The following BMPR1B variants were observed in gnomAD, a reference collection of about 807,000 sequenced individuals.
BMPR1B encodes bone morphogenetic protein receptor type 1B.
In BMPR1B, 12 loss-of-function variants were observed where a neutral mutation model predicts 59.1. The observed-to-expected ratio is 0.20, with a 90% confidence interval of 0.13 to 0.33. BMPR1B has a LOEUF of 0.33. Ranked by LOEUF, BMPR1B falls within the 10% of genes least tolerant of loss-of-function variation. BMPR1B has a pLI of 1.00. For synonymous variants in BMPR1B, 237 were observed against 207.3 expected (o/e 1.14, Z -1.23); for missense variants, 550 against 610.9 (o/e 0.90, Z 1.05).
chr4:95,002,782 A>G (rs1422212114), intron 3 of BMPR1B, among the ~76,000 whole-genome samples: 1 of 152,200 alleles, frequency 6.6e-6, no homozygotes. Context: ...TTAAATAAGT[A>G]TTACCCACTT....
chr4:94,984,518 C>T (rs1560580061), intron 2 of BMPR1B, among the ~76,000 whole-genome samples: 1 of 152,040 alleles, frequency 6.6e-6, no homozygotes, highest in Non-Finnish European at 1.5e-5. Flanking sequence ...TAGGATTGCC[C>T]CTTCAGATTG....
chr4:95,078,274 C>G (rs1341814769), intron 3 of BMPR1B, among the ~76,000 whole-genome samples: 2 of 152,154 alleles, frequency 1.3e-5, no homozygotes, highest in Non-Finnish European at 2.9e-5. Flanking sequence ...CTTGTGTGTG[C>G]ATATTTTTAA....
At chr4:95,083,427 A>T (rs1343487788) in intron 3 of BMPR1B, among the ~76,000 whole-genome samples, 3 of 152,306 alleles carry the variant, frequency 2.0e-5, no homozygotes, top group African/African-American at 7.2e-5. Context: ...GCAAAAAAAA[A>T]TTTACAGTGT....
intron 3 of BMPR1B, among the ~76,000 whole-genome samples, chr4:95,059,150 A>T (rs1255566986): frequency 6.6e-6 from 1 of 152,190 alleles, no homozygotes; most frequent in South Asian, 2.1e-4. Flanking sequence ...ATTCAGCTGA[A>T]GTTATTGAGA....
intron 2 of BMPR1B, among the ~76,000 whole-genome samples, chr4:94,948,291 A>G (rs909895962): frequency 6.6e-6 from 1 of 152,190 alleles, no homozygotes; most frequent in African/African-American, 2.4e-5. Flanking sequence ...TCCCTTTGAG[A>G]AGCCCTAGAT....
intron 1 of BMPR1B, among the ~76,000 whole-genome samples, chr4:94,858,686 G>T (rs761518998): frequency 1.3e-5 from 2 of 152,168 alleles, no homozygotes; most frequent in Admixed American, 6.5e-5. Flanking sequence ...TACAACTCTT[G>T]TTATTTGTAT....
intron 3 of BMPR1B, among the ~76,000 whole-genome samples, chr4:95,013,863 T>C (rs949077048): frequency 3.3e-5 from 5 of 152,214 alleles, no homozygotes; most frequent in Admixed American, 6.5e-5. Context: ...CTACTGTCTT[T>C]TACTTTCAGG....
chr4:94,931,801 T>C (rs1729102381), intron 2 of BMPR1B, among the ~76,000 whole-genome samples: 1 of 152,068 alleles, frequency 6.6e-6, no homozygotes, highest in East Asian at 1.9e-4. Context: ...CAGAGTACCC[T>C]GTCTCATCTG....
intron 1 of BMPR1B, among the ~76,000 whole-genome samples, chr4:94,816,314 T>A (rs1326560040): frequency 6.6e-6 from 1 of 150,804 alleles, no homozygotes; most frequent in African/African-American, 2.5e-5. Context: ...GCCCGGCTAG[T>A]TTTCTTTTCT....
intron 1 of BMPR1B, among the ~76,000 whole-genome samples, chr4:94,760,795 A>G (rs1468316764): frequency 6.6e-6 from 1 of 152,214 alleles, no homozygotes; most frequent in Non-Finnish European, 1.5e-5. Context: ...TATGTGATAG[A>G]TACTCAAGAA....
intron 3 of BMPR1B, among the ~76,000 whole-genome samples, chr4:95,020,115 C>T (rs955344232): frequency 6.6e-6 from 1 of 152,176 alleles, no homozygotes; most frequent in East Asian, 1.9e-4. Flanking sequence ...AACCCATTGC[C>T]TTAAATCTGC....
chr4:94,882,965 TGC>T (rs1560530727), intron 2 of BMPR1B, among the ~76,000 whole-genome samples: 3 of 141,638 alleles, frequency 2.1e-5, no homozygotes, highest in East Asian at 2.0e-4. Context: ...TGTGTGTGTG[TGC>T]GTGTGTGTGT....
intron 1 of BMPR1B, among the ~76,000 whole-genome samples, chr4:94,847,241 C>A (rs1035490491): frequency 1.3e-5 from 2 of 152,154 alleles, no homozygotes; most frequent in Non-Finnish European, 2.9e-5. Context: ...GAGATATAAT[C>A]TCACTCCAGT....
intron 3 of BMPR1B, among the ~76,000 whole-genome samples, chr4:95,071,305 A>G (rs963012398): frequency 1.3e-5 from 2 of 152,088 alleles, no homozygotes; most frequent in African/African-American, 4.8e-5. Flanking sequence ...ATTATATACA[A>G]ATCTCTGGGC....
chr4:95,014,582 G>T (rs1031052239), intron 3 of BMPR1B, among the ~76,000 whole-genome samples: 37 of 152,098 alleles, frequency 2.4e-4, no homozygotes, highest in Admixed American at 6.6e-5. Flanking sequence ...AATAAGGCTT[G>T]GGCATGATTG....
chr4:94,886,682 A>G (rs775444878), intron 2 of BMPR1B, among the ~76,000 whole-genome samples: 1 of 152,220 alleles, frequency 6.6e-6, no homozygotes, highest in Non-Finnish European at 1.5e-5. Context: ...TCAAAAATAT[A>G]CACTCAACAT....
At chr4:95,035,718 C>T (rs180948083) in intron 3 of BMPR1B, among the ~76,000 whole-genome samples, 1 of 152,212 alleles carries the variant, frequency 6.6e-6, no homozygotes, top group East Asian at 1.9e-4. Flanking sequence ...TAATGTGATC[C>T]CTCCAGATTT....
chr4:95,152,808 C>A, intron 12 of BMPR1B, 35 bp downstream of exon 12: 1 of 1,606,380 alleles, frequency 6.2e-7, no homozygotes, highest in South Asian at 1.1e-5. Flanking sequence ...CTGTGACAGA[C>A]TTCTAAATAG....
At chr4:94,762,505 A>G (rs888188967) in intron 1 of BMPR1B, among the ~76,000 whole-genome samples, 1 of 152,190 alleles carries the variant, frequency 6.6e-6, no homozygotes, top group Non-Finnish European at 1.5e-5. Flanking sequence ...GTTGTCTCTA[A>G]AAGTAGCAAG....
Sources: allele counts gnomAD v4.1 joint callset (sites outside exome capture counted in the v4.1 genomes callset), GRCh38; gene constraint gnomAD v4.1.1; transcripts MANE v1.5; gene names NCBI Gene and HGNC (gene_info 2026-07-23, HGNC 2026-07-21).